Variants in SOD3 observed in about 807,000 individuals in gnomAD.
SOD3 encodes the protein extracellular superoxide dismutase [Cu-Zn].
In SOD3, 3 loss-of-function variants were observed where a neutral mutation model predicts 2.6. The observed-to-expected ratio is 1.13, with a 90% CI of 0.52 to 2.93. The LOEUF (loss-of-function observed/expected upper bound fraction) is 2.93, where lower values mean the gene tolerates loss of function less well. Among genes scored for constraint, SOD3 ranks in the 30% most tolerant of loss-of-function variants. The probability of loss-of-function intolerance (pLI) is 0.04; values close to 1 mark genes in which losing one functional copy is unlikely to be tolerated. For synonymous variants in SOD3, 188 were observed against 177.5 expected (o/e 1.06, Z -0.47); for missense variants, 379 against 370.4 (o/e 1.02, Z -0.19).
At position 24,800,199 on chromosome 4, in the gene SOD3, A is replaced by G. The variant is rs1044534656; in HGVS notation, c.678A>G (p.Ser226=). Residue 226 remains serine (S), a synonymous_variant, in exon 2 of 2, where the codon TCA becomes TCG. Coordinates refer to ENST00000382120, the MANE Select transcript of SOD3 (RefSeq NM_003102.4). The part of the protein sequence containing the change: ...GLWERQAREH[S]ERKKRRRESE... Reference sequence around the variant, plus strand: ...GGGAGCGCCAGGCGCGGGAGCACTCAGAGCGCAAGAAGCGGCGGCGCGAGA... The same window carrying G: ...GGGAGCGCCAGGCGCGGGAGCACTCGGAGCGCAAGAAGCGGCGGCGCGAGA... 2 of 1,433,674 alleles carry G rather than the reference A, an allele frequency of 1.4e-6. No individual in the cohort carries two copies. Among genetic ancestry groups the G allele is most frequent in the Admixed American group, 2.9e-5 (1 of 34,498 alleles). The allele number at this position is 1,433,674 out of a possible 1,614,324, so 88.8% of individuals were successfully genotyped here.
intron 1 of SOD3, 95 bp from the exon 2 acceptor site, chr4:24,799,411 G>A (rs561322932): frequency 1.1e-5 from 16 of 1,414,768 alleles, no homozygotes; most frequent in South Asian, 5.4e-5. Flanking sequence ...ACTGGGGACT[G>A]GGGGGTTGGT....
chr4:24,799,431 A>T, intron 1 of SOD3, 75 bp from the exon 2 acceptor site: 1 of 1,516,118 alleles, frequency 6.6e-7, no homozygotes, highest in Non-Finnish European at 8.8e-7. Flanking sequence ...TTCTGCGATA[A>T]TGGGGTCCCT....
chr4:24,800,052 C>A lies in SOD3; in HGVS notation c.531C>A (p.Ala177=), dbSNP rs1281579635. 36 of 1,466,354 alleles carry A rather than the reference C, an allele frequency of 2.5e-5. No homozygotes were observed. The highest frequency in any genetic ancestry group is 3.0e-5 in the African/African-American group (2 of 67,402). The allele number at this position is 1,466,354 out of a possible 1,614,324, so 90.8% of individuals were successfully genotyped here. A position where few individuals can be genotyped will look rare whatever the true frequency, so the allele number is the denominator to read the frequency against. Reference sequence around the variant, plus strand: ...GCCCGCACTCCATCGTGGGCCGGGCCGTGGTCGTCCACGCTGGCGAGGACG... The same window carrying A: ...GCCCGCACTCCATCGTGGGCCGGGCAGTGGTCGTCCACGCTGGCGAGGACG... ...LAGPHSIVGR[A]VVVHAGEDDL... Residue 177 remains alanine, a synonymous_variant, in exon 2 of 2, where the codon GCC becomes GCA. Transcript: ENST00000382120.
intron 1 of SOD3, among the ~76,000 whole-genome samples, chr4:24,797,544 T>C (rs1206276184): frequency 1.3e-5 from 2 of 152,214 alleles, no homozygotes; most frequent in Non-Finnish European, 2.9e-5. Context: ...AAGTCTGTAT[T>C]AGTATCCCTA....
chr4:24,796,242 C>T (rs1331935170), intron 1 of SOD3, among the ~76,000 whole-genome samples: 1 of 151,684 alleles, frequency 6.6e-6, no homozygotes, highest in Non-Finnish European at 1.5e-5. Context: ...CCTTCCAGAT[C>T]CACGTACAAA....
chr4:24,798,806 G>A (rs1163901033), intron 1 of SOD3, among the ~76,000 whole-genome samples: 2 of 152,094 alleles, frequency 1.3e-5, no homozygotes, highest in Non-Finnish European at 2.9e-5. Flanking sequence ...AGGCTCCTAG[G>A]GAGATGGGTA....
rs75331548 is a variant in SOD3 at position 24,800,478 on chromosome 4, A to G, written c.*234A>G. The G allele has an allele frequency of 5.2e-6, 2 of 387,566 alleles. No homozygotes were observed. Among genetic ancestry groups the G allele is most frequent in the Non-Finnish European group, 9.4e-6 (2 of 212,426 alleles). 24.0% of individuals were successfully genotyped at this position (387,566 alleles called of 1,614,324 possible). On this transcript the variant is annotated 3_prime_UTR_variant, in exon 2 of 2. Coordinates refer to ENST00000382120, the MANE Select transcript of SOD3 (RefSeq NM_003102.4). ...CCACTCAGTAGGTCTGAAGGCCTCC[A>G]TTTGTACCGAAACACCCCGCTCACG...
At chr4:24,797,184 A>G (rs1713690650) in intron 1 of SOD3, among the ~76,000 whole-genome samples, 1 of 152,068 alleles carries the variant, frequency 6.6e-6, no homozygotes, top group African/African-American at 2.4e-5. Flanking sequence ...GCTCTCTCTG[A>G]TAGCTAAGAG....
At position 24,799,763 on chromosome 4, in the gene SOD3, T is replaced by C; in HGVS notation, c.242T>C (p.Val81Ala). 1 of 1,567,960 alleles carries C rather than the reference T, an allele frequency of 6.4e-7. No homozygotes were observed. The highest frequency in any genetic ancestry group is 8.6e-7 in the Non-Finnish European group (1 of 1,163,444). Residue 81 changes from valine to alanine, a missense_variant, in exon 2 of 2, where the codon GTC becomes GCC. Val to Ala is a moderately conservative substitution (Grantham distance 64). Transcript: ENST00000382120. ...GCCGCGCAGCCCCGGGTGACCGGCG[T>C]CGTCCTCTTCCGGCAGCTTGCGCCC... ...LDAAQPRVTG[V>A]VLFRQLAPRA...
intron 1 of SOD3, among the ~76,000 whole-genome samples, chr4:24,796,368 G>A (rs1410315598): frequency 1.3e-5 from 2 of 149,710 alleles, no homozygotes; most frequent in Non-Finnish European, 3.0e-5. Flanking sequence ...GAAACAAGAA[G>A]TCAGAGTTTA....
Position 24,800,102 on chromosome 4 carries a change from C to T in SOD3, c.581C>T (p.Ala194Val). ...GACCTGGGCCGCGGCGGCAACCAGG[C>T]CAGCGTGGAGAACGGGAACGCGGGC... Reference protein sequence around the residue: ...EDDLGRGGNQASVENGNAGRR... With the variant: ...EDDLGRGGNQVSVENGNAGRR... The change falls in exon 2 of 2, where the codon GCC becomes GTC. Residue 194 changes from alanine to valine, a missense_variant. Coordinates refer to ENST00000382120, the MANE Select transcript of SOD3 (RefSeq NM_003102.4). The T allele has an allele frequency of 7.2e-7, 1 of 1,390,248 alleles. No homozygotes were observed. The highest frequency in any genetic ancestry group is 9.2e-7 in the Non-Finnish European group (1 of 1,083,086). 86.1% of individuals were successfully genotyped at this position (1,390,248 alleles called of 1,614,324 possible).
At chr4:24,796,224 C>A (rs1344327636) in intron 1 of SOD3, among the ~76,000 whole-genome samples, 1 of 152,130 alleles carries the variant, frequency 6.6e-6, no homozygotes, top group Non-Finnish European at 1.5e-5. Flanking sequence ...TCTGATAACA[C>A]CGTCCTCCCT....
chr4:24,796,387 T>TGAGG (rs1394935093), intron 1 of SOD3, among the ~76,000 whole-genome samples: 3 of 150,812 alleles, frequency 2.0e-5, no homozygotes, highest in Non-Finnish European at 4.4e-5. Context: ...TACCTGGGTT[T>TGAGG]GAGGGAGAAT....
In SOD3 at chr4:24,799,490, C is replaced by T. The variant is rs750015535; in HGVS notation, c.-16-16C>T. ...AAGCCTCACTCTGCCCCCACCTCCG[C>T]GGGGGCGTCCCGCAGGTGCCCGACT... On this transcript the variant is annotated splice_polypyrimidine_tract_variant and intron_variant, in intron 1 of 1. Transcript: ENST00000382120. 6.9e-6 allele frequency: 11 copies of T among 1,593,928 alleles called. No individual in the cohort carries two copies. Among genetic ancestry groups the T allele is most frequent in the Admixed American group, 3.4e-5 (2 of 59,370 alleles).
Position 24,800,116 on chromosome 4 carries a change from G to T in SOD3, c.595G>T (p.Gly199Trp). ...RGGNQASVEN[G>W]NAGRRLACCV... is the part of the protein sequence containing the mutation. ...CGGCAACCAGGCCAGCGTGGAGAAC[G>T]GGAACGCGGGCCGGCGGCTGGCCTG... Residue 199 changes from glycine (G) to tryptophan (W), a missense_variant, in exon 2 of 2, where the codon GGG (glycine) becomes TGG (tryptophan). Gly to Trp is a radical substitution (Grantham distance 184). Coordinates refer to ENST00000382120, the MANE Select transcript of SOD3 (RefSeq NM_003102.4). 7.2e-7 allele frequency: 1 copy of T among 1,379,634 alleles called. No homozygotes were observed. Among genetic ancestry groups the T allele is most frequent in the Admixed American group, 3.9e-5 (1 of 25,882 alleles). The allele number at this position is 1,379,634 out of a possible 1,614,324, so 85.5% of individuals were successfully genotyped here. A position where few individuals can be genotyped will look rare whatever the true frequency, so the allele number is the denominator to read the frequency against.
intron 1 of SOD3, among the ~76,000 whole-genome samples, chr4:24,796,494 A>G (rs1437612048): frequency 1.9e-5 from 2 of 108,082 alleles, no homozygotes; most frequent in African/African-American, 3.5e-5. Context: ...CCCAGCACCC[A>G]GGCTGGAATG....
In SOD3 at chr4:24,799,595, CG is replaced by C; in HGVS notation, c.76del (p.Glu26SerfsTer53). 6.2e-7 allele frequency: 1 copy of C among 1,603,440 alleles called. No individual in the cohort carries two copies. Among genetic ancestry groups the C allele is most frequent in the South Asian group, 1.1e-5 (1 of 90,134 alleles). The part of the protein sequence containing the change: ...ASDAWTGEDS[A>X]EPNSDSAEWI... ...GACGCCTGGACGGGCGAGGACTCGG[CG>C]GAGCCCAACTCTGACTCGGCGGAGT... On this transcript the variant is annotated frameshift_variant, in exon 2 of 2. Coordinates refer to ENST00000382120, the MANE Select transcript of SOD3 (RefSeq NM_003102.4). LOFTEE classifies it low-confidence loss of function (END_TRUNC).
At chr4:24,796,721 T>C (rs11724938) in intron 1 of SOD3, among the ~76,000 whole-genome samples, 1 of 148,934 alleles carries the variant, frequency 6.7e-6, no homozygotes, top group Admixed American at 6.7e-5. Context: ...CCCAAAGGGG[T>C]GGGATTACAG....
At position 24,800,749 on chromosome 4, in the gene SOD3, G is replaced by A; in HGVS notation, c.*505G>A. On this transcript the variant is annotated 3_prime_UTR_variant, in exon 2 of 2. Coordinates refer to ENST00000382120, the MANE Select transcript of SOD3 (RefSeq NM_003102.4). ...CCAGGCCAACTGCCCCGCGTCTTCA[G>A]CTGTTTCGCATCCACCGCCACCCCA... The A allele has an allele frequency of 6.4e-6, 1 of 157,226 alleles. No individual in the cohort carries two copies. 9.7% of individuals were successfully genotyped at this position (157,226 alleles called of 1,614,324 possible).
Sources: allele counts gnomAD v4.1 joint callset (sites outside exome capture counted in the v4.1 genomes callset), GRCh38; gene constraint gnomAD v4.1.1; transcripts MANE v1.5; gene names NCBI Gene and HGNC (gene_info 2026-07-23, HGNC 2026-07-21).